The following ARHGEF9 variants were observed in gnomAD, a reference collection of about 807,000 sequenced individuals.
ARHGEF9 encodes the protein Cdc42 guanine nucleotide exchange factor 9.
In ARHGEF9, 2 loss-of-function variants were observed where a neutral mutation model predicts 41.3. The observed-to-expected ratio is 0.05, with a 90% CI of 0.02 to 0.15. ARHGEF9 has a LOEUF of 0.15. Among genes scored for constraint, ARHGEF9 ranks in the 10% least tolerant of loss-of-function variants. The pLI is 1.00. For missense variants in ARHGEF9, 225 were observed against 424.7 expected (o/e 0.53, Z 4.13); for synonymous variants, 160 against 154.4 (o/e 1.04, Z -0.27).
At chrX:63,765,710 T>G (rs782619664) in intron 1 of ARHGEF9, among the ~76,000 whole-genome samples, 1 of 111,843 alleles carries the variant, frequency 8.9e-6, no homozygotes, top group South Asian at 3.8e-4. Flanking sequence ...GGGAAAAGTG[T>G]TTTAGAATCT....
chrX:63,640,454 T>G (rs1556304565), intron 9 of ARHGEF9: 1 of 112,013 alleles, frequency 8.9e-6, no homozygotes. Flanking sequence ...TCTAGGGCAC[T>G]CATTTGATTT....
chrX:63,673,790 G>A (rs1434879179), intron 6 of ARHGEF9, among the ~76,000 whole-genome samples: 1 of 111,167 alleles, frequency 9.0e-6, no homozygotes, highest in Non-Finnish European at 1.9e-5. Flanking sequence ...ATTGTTCCTT[G>A]GCAATACCTG....
At chrX:63,760,189 A>AT (rs1238668924) in intron 1 of ARHGEF9, among the ~76,000 whole-genome samples, 269 of 107,694 alleles carry the variant, frequency 2.5e-3, no homozygotes, top group Middle Eastern at 9.7e-3. Context: ...GCAAAGTTCC[A>AT]TTTTTTTTTG....
rs148683939 is a variant in ARHGEF9, at chrX:63,715,341, C to T, written c.211-8892G>A. ...TTAAGCTATTCAGATATGGAAGTAC[C>T]GATTTCATGATGAAAGCCACGCTAA... On this transcript the variant is annotated intron_variant, in intron 2 of 9. Transcript: ENST00000671741. Among the ~76,000 whole-genome samples, 122 of 111,423 alleles carry T rather than the reference C, an allele frequency of 1.1e-3. 1 individual carries two copies. In the East Asian group the frequency reaches 0.024, roughly 22 times the overall value.
At chrX:63,666,405 T>C (rs1233551682) in intron 6 of ARHGEF9, among the ~76,000 whole-genome samples, 1 of 97,551 alleles carries the variant, frequency 1.0e-5, no homozygotes, top group Non-Finnish European at 2.0e-5. Context: ...ATTTTCTTTA[T>C]ATATATATAT....
In ARHGEF9 at chrX:63,733,743, C is replaced by G. The variant is rs1556421347; in HGVS notation, c.31-9032G>C. Among the ~76,000 whole-genome samples, 3 of 112,183 alleles carry G rather than the reference C, an allele frequency of 2.7e-5. No homozygotes were observed. In the South Asian group the frequency reaches 1.1e-3, roughly 42 times the overall value. ...TTTTCACTTTAATAAAATGAAAGAT[C>G]TACTGTTCAGCCACACCTGGCAGAC... On this transcript the variant is annotated intron_variant, in intron 1 of 9. Coordinates refer to ENST00000671741, the MANE Select transcript of ARHGEF9 (RefSeq NM_001353921.2).
At position 63,773,640 on chromosome X, in the gene ARHGEF9, A is replaced by T. The variant is rs1199903409; in HGVS notation, c.30+11476T>A. ...ACAGGGTGCCCAGATATTTGATCAA[A>T]CATTACTCTGGGTGTGTCTGTGAGG... On this transcript the variant is annotated intron_variant, in intron 1 of 9. Transcript: ENST00000671741. Among the ~76,000 whole-genome samples, 10 of 112,147 alleles carry T rather than the reference A, an allele frequency of 8.9e-5. 1 individual carries two copies. In the South Asian group the frequency reaches 1.1e-3, roughly 12 times the overall value.
chrX:63,772,361 C>G (rs1181615931), intron 1 of ARHGEF9, among the ~76,000 whole-genome samples: 2 of 111,974 alleles, frequency 1.8e-5, no homozygotes, highest in African/African-American at 6.5e-5. Context: ...CCTATCCATT[C>G]TCTACAGGGC....
chrX:63,705,845 T>C (rs1194422937), intron 3 of ARHGEF9, among the ~76,000 whole-genome samples: 1 of 111,360 alleles, frequency 9.0e-6, no homozygotes, highest in Admixed American at 9.5e-5. Context: ...CCAGAAACTC[T>C]GGTACATATT....
At chrX:63,713,701 TACACACACACACAC>T (rs59012226) in intron 2 of ARHGEF9, among the ~76,000 whole-genome samples, 6 of 94,290 alleles carry the variant, frequency 6.4e-5, no homozygotes, top group Admixed American at 4.6e-4. Flanking sequence ...CCACTTCACA[TACACACACACACAC>T]ACACACACAC....
At chrX:63,693,131 G>T (rs2051469034) in intron 4 of ARHGEF9, among the ~76,000 whole-genome samples, 1 of 111,554 alleles carries the variant, frequency 9.0e-6, no homozygotes, top group South Asian at 3.7e-4. Context: ...GAAGAAATAA[G>T]TTCTAGTGTT....
intron 4 of ARHGEF9, among the ~76,000 whole-genome samples, chrX:63,688,149 T>A (rs1358516777): frequency 9.0e-6 from 1 of 111,207 alleles, no homozygotes; most frequent in Admixed American, 9.6e-5. Context: ...GGAGTTTCAA[T>A]TCCTGTGGTA....
At chrX:63,678,021 C>A (rs1426153258) in intron 5 of ARHGEF9, among the ~76,000 whole-genome samples, 1 of 111,501 alleles carries the variant, frequency 9.0e-6, no homozygotes, top group East Asian at 2.8e-4. Flanking sequence ...TGGTTTACAT[C>A]TTTGGGTTCG....
At chrX:63,769,326 A>T (rs1255268922) in intron 1 of ARHGEF9, among the ~76,000 whole-genome samples, 1 of 111,666 alleles carries the variant, frequency 9.0e-6, no homozygotes, top group African/African-American at 3.3e-5. Context: ...TGAAAAAAAA[A>T]TTCTAAGCAG....
At chrX:63,725,018 T>C (rs1361970074) in intron 1 of ARHGEF9, 1 of 286,801 alleles carries the variant, frequency 3.5e-6, no homozygotes, top group Non-Finnish European at 6.1e-6. Flanking sequence ...CCATCTCTCC[T>C]TGGTGCTTCA....
intron 1 of ARHGEF9, among the ~76,000 whole-genome samples, chrX:63,771,393 T>A (rs1556454732): frequency 1.8e-5 from 2 of 111,971 alleles, no homozygotes; most frequent in Non-Finnish European, 1.9e-5. Flanking sequence ...AGGAAAGGCA[T>A]GATGGTCAAT....
chrX:63,667,829 C>A (rs1556350654), intron 6 of ARHGEF9, among the ~76,000 whole-genome samples: 1 of 110,936 alleles, frequency 9.0e-6, no homozygotes, highest in East Asian at 2.8e-4. Flanking sequence ...TAGCACAGAA[C>A]CTCTGGAGGC....
intron 2 of ARHGEF9, among the ~76,000 whole-genome samples, chrX:63,709,363 AC>A (rs1452924062): frequency 8.9e-6 from 1 of 112,085 alleles, no homozygotes; most frequent in Non-Finnish European, 1.9e-5. Flanking sequence ...CTAACCACTA[AC>A]TGTGAAGGAC....
At chrX:63,720,525 G>A (rs2053576442) in intron 2 of ARHGEF9, among the ~76,000 whole-genome samples, 2 of 112,129 alleles carry the variant, frequency 1.8e-5, no homozygotes, top group African/African-American at 3.2e-5. Context: ...CCTATTCACA[G>A]GAAAAAAATA....
Sources: allele counts gnomAD v4.1 joint callset (sites outside exome capture counted in the v4.1 genomes callset), GRCh38; gene constraint gnomAD v4.1.1; transcripts MANE v1.5; gene names NCBI Gene and HGNC (gene_info 2026-07-23, HGNC 2026-07-21).